Variants in RAPGEF2 observed in about 807,000 individuals in gnomAD.
The protein encoded by RAPGEF2 is Rap guanine nucleotide exchange factor 2, also known as PDZ domain containing guanine nucleotide exchange factor (GEF) 1.
RAPGEF2 carries 54 observed loss-of-function variants against 186.7 expected under a neutral mutation model. The observed-to-expected ratio is 0.29, with a 90% confidence interval of 0.23 to 0.36. The LOEUF is 0.36. Among genes scored for constraint, RAPGEF2 ranks in the 10% least tolerant of loss-of-function variants. The probability of loss-of-function intolerance (pLI) is 1.00; values close to 1 mark genes in which losing one functional copy is unlikely to be tolerated. For missense variants in RAPGEF2, 1,532 were observed against 2,045.0 expected (o/e 0.75, Z 4.84); for synonymous variants, 712 against 705.9 (o/e 1.01, Z -0.14).
intron 4 of RAPGEF2, among the ~76,000 whole-genome samples, chr4:159,215,350 A>G (rs1028188590): frequency 3.3e-5 from 5 of 149,570 alleles, no homozygotes; most frequent in Admixed American, 6.7e-5. Flanking sequence ...TCTGAAAAAT[A>G]TTTTGGGGGA....
intron 2 of RAPGEF2, among the ~76,000 whole-genome samples, chr4:159,187,538 T>C (rs1747683920): frequency 6.6e-6 from 1 of 152,224 alleles, no homozygotes; most frequent in Non-Finnish European, 1.5e-5. Context: ...TATATCTTTG[T>C]TTGAATATTT....
chr4:159,187,621 A>T (rs888104462), intron 2 of RAPGEF2, among the ~76,000 whole-genome samples: 2 of 152,322 alleles, frequency 1.3e-5, no homozygotes, highest in East Asian at 3.9e-4. Flanking sequence ...AGATCTGCCC[A>T]TATAGAAATC....
intron 4 of RAPGEF2, among the ~76,000 whole-genome samples, chr4:159,230,588 A>G (rs1241136596): frequency 1.3e-5 from 2 of 152,216 alleles, no homozygotes; most frequent in African/African-American, 2.4e-5. Flanking sequence ...AAGTTCTGGC[A>G]GTAGCTCCCT....
chr4:159,330,740 C>A, intron 13 of RAPGEF2: 1 of 406,924 alleles, frequency 2.5e-6, no homozygotes, highest in Non-Finnish European at 4.3e-6. Flanking sequence ...ATAAATTGGC[C>A]ACCAAATGTT....
rs186511811 is a variant in RAPGEF2 at position 159,224,930 on chromosome 4, A to G, written c.282-13879A>G. Among the ~76,000 whole-genome samples the G allele has an allele frequency of 2.7e-3, 417 of 152,370 alleles. 3 individuals are homozygous for G. The highest frequency in any genetic ancestry group is 9.5e-3 in the African/African-American group (397 of 41,576). On this transcript the variant is annotated intron_variant, in intron 4 of 29. Coordinates refer to ENST00000691494, the MANE Select transcript of RAPGEF2 (RefSeq NM_001394067.2). ...AAGAAAAAAAGTAAAAGATGGCTTC[A>G]GATCTTTGAATTTGGATGTCTACAG...
chr4:159,245,565 G>GT (rs1294076932), intron 7 of RAPGEF2, among the ~76,000 whole-genome samples: 1 of 151,978 alleles, frequency 6.6e-6, no homozygotes, highest in Non-Finnish European at 1.5e-5. Context: ...GAAAAGCTAT[G>GT]TTTATTTTAC....
At chr4:159,252,838 TTTTG>T (rs1236820539) in intron 7 of RAPGEF2, among the ~76,000 whole-genome samples, 2 of 152,378 alleles carry the variant, frequency 1.3e-5, no homozygotes, top group Admixed American at 6.5e-5. Flanking sequence ...TCTAATGAGC[TTTTG>T]TTTATTATTT....
chr4:159,194,581 T>C (rs755205470), intron 3 of RAPGEF2, among the ~76,000 whole-genome samples: 3 of 152,222 alleles, frequency 2.0e-5, no homozygotes, highest in Non-Finnish European at 4.4e-5. Flanking sequence ...TATTATGATA[T>C]GTATCTCTAA....
intron 26 of RAPGEF2, 154 bp from the exon 27 acceptor site, chr4:159,352,531 C>G: frequency 1.6e-6 from 1 of 606,834 alleles, no homozygotes; most frequent in Non-Finnish European, 2.9e-6. Flanking sequence ...ACATTTGTCT[C>G]TTAGTCATGT....
intron 7 of RAPGEF2, among the ~76,000 whole-genome samples, chr4:159,247,998 T>A (rs1424741703): frequency 6.6e-6 from 1 of 151,914 alleles, no homozygotes; most frequent in Non-Finnish European, 1.5e-5. Flanking sequence ...CCAACCTCAA[T>A]TGATCCACCC....
chr4:159,345,699 G>A (rs918926301), intron 24 of RAPGEF2, among the ~76,000 whole-genome samples: 1 of 152,156 alleles, frequency 6.6e-6, no homozygotes, highest in Non-Finnish European at 1.5e-5. Flanking sequence ...AGGGGAGTCA[G>A]GGCATAAAAT....
At chr4:159,166,018 T>C (rs1745273614) in intron 1 of RAPGEF2, among the ~76,000 whole-genome samples, 1 of 152,100 alleles carries the variant, frequency 6.6e-6, no homozygotes, top group South Asian at 2.1e-4. Context: ...GGATTAGTGC[T>C]CCAAAGATGT....
In RAPGEF2 at chr4:159,354,159, T is replaced by C. The variant is rs1731616690; in HGVS notation, c.4651+113T>C. 2.6e-6 allele frequency: 3 copies of C among 1,141,880 alleles called. No homozygotes were observed. The Admixed American group carries it at 9.1e-5, about 35-fold the overall frequency. The allele number at this position is 1,141,880 out of a possible 1,614,324, so 70.7% of individuals were successfully genotyped here. On this transcript the variant is annotated intron_variant, in intron 28 of 29. Transcript: ENST00000691494. ...TTCTTTTCCTCATTTTCTCCATTGC[T>C]ATGTAGGACTTCCAAATTAGTGGTG... is the stretch of plus-strand genomic sequence containing the variant.
chr4:159,283,503 A>G (rs1004616957), intron 7 of RAPGEF2, among the ~76,000 whole-genome samples: 2 of 152,154 alleles, frequency 1.3e-5, no homozygotes, highest in African/African-American at 4.8e-5. Flanking sequence ...TTTTAGAGAT[A>G]TTTTAATTAT....
At chr4:159,299,341 A>T (rs990125619) in intron 7 of RAPGEF2, among the ~76,000 whole-genome samples, 4 of 152,116 alleles carry the variant, frequency 2.6e-5, no homozygotes, top group Non-Finnish European at 5.9e-5. Context: ...GTCAATAGAC[A>T]GTATTTTTTT....
At chr4:159,107,078 C>G (rs1737966852) in intron 1 of RAPGEF2, among the ~76,000 whole-genome samples, 1 of 152,184 alleles carries the variant, frequency 6.6e-6, no homozygotes, top group Admixed American at 6.5e-5. Flanking sequence ...GAGGAAAACT[C>G]TAATCCAATG....
intron 7 of RAPGEF2, among the ~76,000 whole-genome samples, chr4:159,286,076 A>ACCACCC: frequency 1.1e-5 from 1 of 93,746 alleles, no homozygotes; most frequent in African/African-American, 4.3e-5. Flanking sequence ...CACCACCACC[A>ACCACCC]CCACCAAATA....
chr4:159,331,860 G>A, intron 15 of RAPGEF2, 27 bp downstream of exon 15: 1 of 1,600,442 alleles, frequency 6.2e-7, no homozygotes, highest in Non-Finnish European at 8.5e-7. Flanking sequence ...CTCATTTAAG[G>A]GTGAATTTTG....
At chr4:159,199,057 CAAAAA>C (rs749062756) in intron 3 of RAPGEF2, among the ~76,000 whole-genome samples, 1 of 80,330 alleles carries the variant, frequency 1.2e-5, no homozygotes, top group African/African-American at 4.9e-5. Context: ...GACCCTGTCT[CAAAAA>C]AAAAAAAAAA....
Sources: gnomAD v4.1 joint callset for allele counts (sites outside exome capture counted in the v4.1 genomes callset) on GRCh38, gnomAD v4.1.1 for gene constraint, MANE v1.5 for transcripts, NCBI Gene and HGNC (gene_info 2026-07-23, HGNC 2026-07-21) for gene names.